CNOT6L: variants seen among roughly 807,000 people sequenced by gnomAD.
The protein encoded by CNOT6L is CCR4-NOT transcription complex subunit 6 like, also known as CCR4-NOT transcription complex subunit 6-like.
Under a neutral mutation model 64.0 loss-of-function variants are expected in CNOT6L, and 7 were observed. That is an observed-to-expected ratio of 0.11 (90% CI 0.06 to 0.21). The LOEUF is 0.21. Among genes scored for constraint, CNOT6L ranks in the 10% least tolerant of loss-of-function variants. CNOT6L has a pLI of 1.00. For synonymous variants in CNOT6L, 193 were observed against 243.4 expected (o/e 0.79, Z 1.93); for missense variants, 245 against 669.0 (o/e 0.37, Z 6.99).
At chr4:77,796,879 G>A (rs1345386978) in intron 1 of CNOT6L, among the ~76,000 whole-genome samples, 2 of 151,894 alleles carry the variant, frequency 1.3e-5, no homozygotes, top group East Asian at 1.9e-4. Context: ...TCAGGAGTTC[G>A]AGACCAGCCT....
At chr4:77,772,984 C>A in intron 4 of CNOT6L, 97 bp downstream of exon 4, 2 of 695,376 alleles carry the variant, frequency 2.9e-6, no homozygotes, top group Non-Finnish European at 5.0e-6. Flanking sequence ...TACACGTAGT[C>A]ACATTCTAAA....
intron 1 of CNOT6L, among the ~76,000 whole-genome samples, chr4:77,816,447 G>A (rs1017999755): frequency 2.6e-5 from 4 of 152,032 alleles, no homozygotes; most frequent in Non-Finnish European, 5.9e-5. Flanking sequence ...AGAAGATTCT[G>A]TTCAATGTAA....
intron 8 of CNOT6L, among the ~76,000 whole-genome samples, chr4:77,733,799 T>G (rs1442818495): frequency 6.6e-6 from 1 of 152,006 alleles, no homozygotes; most frequent in Admixed American, 6.6e-5. Flanking sequence ...AAATCTAATT[T>G]CTCTTCCAAA....
intron 1 of CNOT6L, 99 bp downstream of exon 1, chr4:77,819,205 C>A (rs778371331): frequency 1.2e-6 from 2 of 1,609,854 alleles, no homozygotes; most frequent in East Asian, 2.2e-5. Flanking sequence ...AACTCGCACA[C>A]CCACACGCAC....
At chr4:77,774,781 C>T (rs187519070) in intron 2 of CNOT6L, 65 bp from the exon 3 acceptor site, 95 of 1,051,506 alleles carry the variant, frequency 9.0e-5, no homozygotes, top group African/African-American at 6.3e-4. Context: ...TAAACTACAA[C>T]GACTGAAAAG....
intron 4 of CNOT6L, among the ~76,000 whole-genome samples, chr4:77,758,284 TA>T (rs1281175570): frequency 1.3e-5 from 2 of 152,012 alleles, no homozygotes; most frequent in African/African-American, 2.4e-5. Context: ...CTCCAAGTAC[TA>T]GGGGGAAAAA....
At chr4:77,771,597 T>C (rs1727567292) in intron 4 of CNOT6L, among the ~76,000 whole-genome samples, 1 of 152,170 alleles carries the variant, frequency 6.6e-6, no homozygotes, top group South Asian at 2.1e-4. Context: ...CATATGTGAT[T>C]TAAAAAATCA....
chr4:77,791,544 T>A (rs567932226), intron 1 of CNOT6L, among the ~76,000 whole-genome samples: 1 of 152,300 alleles, frequency 6.6e-6, no homozygotes, highest in African/African-American at 2.4e-5. Context: ...AACATCCATA[T>A]TTTCTTTGAT....
intron 8 of CNOT6L, among the ~76,000 whole-genome samples, chr4:77,732,748 A>G (rs1329642767): frequency 6.6e-6 from 1 of 152,106 alleles, no homozygotes; most frequent in Non-Finnish European, 1.5e-5. Context: ...AGAGCATCCC[A>G]GGTAGAAAAT....
In CNOT6L at chr4:77,726,242, G is replaced by A; in HGVS notation, c.1380C>T (p.Ile460=). Residue 460 remains isoleucine (I), a synonymous_variant, in exon 11 of 12, where the codon ATC becomes ATT. Transcript: ENST00000504123. ...CGCTCTTAAGTTGGAAGCCATGTGT[G>A]ATTCTCCCTTCTGAGCTTCCATTCT... ...NGKNGSSEGR[I]THGFQLKSAY... 4 of 1,613,880 alleles carry A rather than the reference G, an allele frequency of 2.5e-6. No homozygotes were observed. Among genetic ancestry groups the A allele is most frequent in the Non-Finnish European group, 3.4e-6 (4 of 1,179,814 alleles).
At chr4:77,768,647 C>CTTTT (rs1727168404) in intron 4 of CNOT6L, among the ~76,000 whole-genome samples, 1 of 151,178 alleles carries the variant, frequency 6.6e-6, no homozygotes, top group Non-Finnish European at 1.5e-5. Context: ...AGAAAATAGG[C>CTTTT]TAAAAACATC....
intron 11 of CNOT6L, among the ~76,000 whole-genome samples, chr4:77,721,320 C>T (rs1325345558): frequency 4.6e-5 from 7 of 152,146 alleles, no homozygotes; most frequent in Admixed American, 4.6e-4. Context: ...TTTTATCTGT[C>T]AGAGCTAGAT....
At chr4:77,791,768 A>C (rs1730173162) in intron 1 of CNOT6L, among the ~76,000 whole-genome samples, 1 of 152,166 alleles carries the variant, frequency 6.6e-6, no homozygotes, top group South Asian at 2.1e-4. Context: ...AATCACTCAC[A>C]TACCCATAAT....
intron 1 of CNOT6L, among the ~76,000 whole-genome samples, chr4:77,817,637 A>G (rs1733722572): frequency 6.6e-6 from 1 of 152,266 alleles, no homozygotes; most frequent in Non-Finnish European, 1.5e-5. Flanking sequence ...CTGGGAGGCT[A>G]ACTGAAGTCT....
intron 1 of CNOT6L, among the ~76,000 whole-genome samples, chr4:77,812,519 G>A (rs1733077916): frequency 6.7e-6 from 1 of 149,758 alleles, no homozygotes; most frequent in South Asian, 2.1e-4. Context: ...CATAAATCAA[G>A]TGTATTTTTA....
At position 77,717,576 on chromosome 4, in the gene CNOT6L, T is replaced by C. The variant is rs2134048; in HGVS notation, c.*2855A>G. The C allele has an allele frequency of 0.79, 120,043 of 152,234 alleles. 48,192 individuals are homozygous for C. Among genetic ancestry groups the C allele is most frequent in the Non-Finnish European group, 0.86 (58,439 of 67,952 alleles). 9.4% of individuals were successfully genotyped at this position (152,234 alleles called of 1,614,324 possible). A position where few individuals can be genotyped will look rare whatever the true frequency, so the allele number is the denominator to read the frequency against. Reference sequence around the variant, plus strand: ...TAACTAGAAAGTATATGAGCATATATATTTTACTTTCATTGAATATATATA... The same window carrying C: ...TAACTAGAAAGTATATGAGCATATACATTTTACTTTCATTGAATATATATA... On this transcript the variant is annotated 3_prime_UTR_variant, in exon 12 of 12. Coordinates refer to ENST00000504123, the MANE Select transcript of CNOT6L (RefSeq NM_144571.3).
At chr4:77,777,014 G>A (rs1728222214) in intron 1 of CNOT6L, among the ~76,000 whole-genome samples, 1 of 152,116 alleles carries the variant, frequency 6.6e-6, no homozygotes, top group Admixed American at 6.5e-5. Flanking sequence ...ACAAAGGCAG[G>A]GTCCTCACTG....
At chr4:77,765,633 T>C (rs749364369) in intron 4 of CNOT6L, among the ~76,000 whole-genome samples, 4 of 152,242 alleles carry the variant, frequency 2.6e-5, no homozygotes, top group Non-Finnish European at 4.4e-5. Flanking sequence ...TTCATGAACA[T>C]ACACAGAAAA....
rs182818046 is a variant in CNOT6L at position 77,713,983 on chromosome 4, A to C, written c.*6448T>G. The C allele has an allele frequency of 1.6e-4, 24 of 152,740 alleles. No homozygotes were observed. The highest frequency in any genetic ancestry group is 8.5e-4 in the Admixed American group (13 of 15,282). 9.5% of individuals were successfully genotyped at this position (152,740 alleles called of 1,614,324 possible). Reference sequence around the variant, plus strand: ...TTTAAACTGATTACTGAAACACAAAAACAAGTTGATTTAGTCCTTGGCTTT... The same window carrying C: ...TTTAAACTGATTACTGAAACACAAACACAAGTTGATTTAGTCCTTGGCTTT... On this transcript the variant is annotated 3_prime_UTR_variant, in exon 12 of 12. Coordinates refer to ENST00000504123, the MANE Select transcript of CNOT6L (RefSeq NM_144571.3).
Sources: gnomAD v4.1 joint callset for allele counts (sites outside exome capture counted in the v4.1 genomes callset) on GRCh38, gnomAD v4.1.1 for gene constraint, MANE v1.5 for transcripts, NCBI Gene and HGNC (gene_info 2026-07-23, HGNC 2026-07-21) for gene names.